The following ZNF697 variants were observed in gnomAD, a reference collection of about 807,000 sequenced individuals.
ZNF697 encodes the protein zinc finger protein 697.
In ZNF697, 23 loss-of-function variants were observed where a neutral mutation model predicts 32.4. The ratio of observed to expected loss-of-function variants is 0.71; its 90% CI spans 0.51 to 1.01. The LOEUF is 1.01. ZNF697 is among the 50% of genes least tolerant of loss of function. The pLI is 0.00. For missense variants in ZNF697, 930 were observed against 794.0 expected (o/e 1.17, Z -2.06); for synonymous variants, 418 against 337.2 (o/e 1.24, Z -2.62).
chr1:119,634,172 C>G (rs1648858162), intron 1 of ZNF697, among the ~76,000 whole-genome samples: 1 of 152,172 alleles, frequency 6.6e-6, no homozygotes, highest in Non-Finnish European at 1.5e-5. Context: ...GATCATATTT[C>G]CACTGTAATG....
chr1:119,624,246 C>T, intron 2 of ZNF697, 130 bp from the exon 3 acceptor site: 2 of 1,159,066 alleles, frequency 1.7e-6, no homozygotes, highest in East Asian at 5.8e-5. Flanking sequence ...CCTCCAAGAC[C>T]CCCTGAGAGT....
intron 1 of ZNF697, among the ~76,000 whole-genome samples, chr1:119,645,965 G>A (rs1189213309): frequency 3.3e-5 from 5 of 151,992 alleles, no homozygotes; most frequent in Admixed American, 1.3e-4. Context: ...TCCCTTCACA[G>A]GACACTAGTA....
chr1:119,639,822 G>A (rs1304685473), intron 1 of ZNF697, among the ~76,000 whole-genome samples: 1 of 151,818 alleles, frequency 6.6e-6, no homozygotes, highest in African/African-American at 2.4e-5. Context: ...TCACACCACT[G>A]GACTTCAGCC....
Position 119,623,979 on chromosome 1 carries a change from C to A in ZNF697, c.364G>T (p.Glu122Ter). The A allele has an allele frequency of 6.2e-7, 1 of 1,610,242 alleles. No homozygotes were observed. Among genetic ancestry groups the A allele is most frequent in the East Asian group, 2.2e-5 (1 of 44,738 alleles). ...ISRSLREDDD[E>*]SAGENRLEEE... ...TCCAGCCGGTTCTCCCCAGCACTCT[C>A]GTCGTCGTCCTCCCGGAGGCTCCGG... Residue 122 changes from glutamate (E) to a stop codon, truncating the protein, a stop_gained, in exon 3 of 3, where the codon GAG (glutamate) becomes TAG (stop). Coordinates refer to ENST00000421812, the MANE Select transcript of ZNF697 (RefSeq NM_001080470.2). LOFTEE classifies it high-confidence loss of function.
chr1:119,637,681 G>T (rs778220659), intron 1 of ZNF697, among the ~76,000 whole-genome samples: 1 of 151,956 alleles, frequency 6.6e-6, no homozygotes, highest in Non-Finnish European at 1.5e-5. Flanking sequence ...TGTAGTTTCA[G>T]TTATTTTTCC....
chr1:119,636,100 G>A (rs761909502), intron 1 of ZNF697, among the ~76,000 whole-genome samples: 20 of 152,062 alleles, frequency 1.3e-4, no homozygotes, highest in East Asian at 5.8e-4. Flanking sequence ...TGAACATCAC[G>A]TTACTAAGTC....
In ZNF697 at chr1:119,625,981, G is replaced by A; in HGVS notation, c.120C>T (p.Gly40=). Residue 40 remains glycine (G), a synonymous_variant, in exon 2 of 3, where the codon GGC becomes GGT. Transcript: ENST00000421812. ...REGDPEEREM[G]SNPHDTNKRE... ...TCTTGTTTGTGTCATGTGGATTAGAGCCCATTTCTCTTTCTTCTGGGTCCC... is the reference window on the plus strand; with the variant it reads ...TCTTGTTTGTGTCATGTGGATTAGAACCCATTTCTCTTTCTTCTGGGTCCC... The A allele has an allele frequency of 6.2e-7, 1 of 1,613,992 alleles. No individual in the cohort carries two copies.
At chr1:119,646,322 AACACACACACACACACACACACAC>A (rs61339576) in intron 1 of ZNF697, among the ~76,000 whole-genome samples, 25 of 136,830 alleles carry the variant, frequency 1.8e-4, no homozygotes, top group Admixed American at 7.3e-5. Flanking sequence ...CCCCACTTCC[AACACACACACACACACACACACAC>A]ACACACACAC....
At chr1:119,628,142 CAAT>C (rs587752195) in intron 1 of ZNF697, among the ~76,000 whole-genome samples, 3 of 152,126 alleles carry the variant, frequency 2.0e-5, no homozygotes, top group Admixed American at 1.3e-4. Flanking sequence ...GGTTCTGTGT[CAAT>C]AAAGTCAAAT....
rs1648434453 is a variant in ZNF697 at position 119,623,470 on chromosome 1, G to A, written c.873C>T (p.Cys291=). ...RLHTGERPNL[C]ADCGKSFSWR... ...AGCTGAAGCTCTTGCCGCAGTCGGCGCACAGGTTGGGCCGCTCGCCCGTGT... is the reference window on the plus strand; with the variant it reads ...AGCTGAAGCTCTTGCCGCAGTCGGCACACAGGTTGGGCCGCTCGCCCGTGT... The change falls in exon 3 of 3, where the codon TGC becomes TGT. Residue 291 remains cysteine, a synonymous_variant. Transcript: ENST00000421812. The A allele has an allele frequency of 2.6e-6, 4 of 1,563,854 alleles. No individual in the cohort carries two copies. The highest frequency in any genetic ancestry group is 1.8e-5 in the Admixed American group (1 of 54,446).
Position 119,626,040 on chromosome 1 carries a change from C to G in ZNF697, c.61G>C (p.Gly21Arg). ...AHQDSEDKGM[G>R]SDFEDSEDRE... ...TCCTCAGAGTCCTCAAAATCAGAAC[C>G]CATCCCTTTGTCTTCTGAGTCCTGG... is the stretch of plus-strand genomic sequence containing the variant. The change falls in exon 2 of 3, where the codon GGT becomes CGT. Residue 21 changes from glycine to arginine, a missense_variant. Transcript: ENST00000421812. 1 of 1,614,020 alleles carries G rather than the reference C, an allele frequency of 6.2e-7. No individual in the cohort carries two copies. The highest frequency in any genetic ancestry group is 8.5e-7 in the Non-Finnish European group (1 of 1,179,896).
intron 1 of ZNF697, among the ~76,000 whole-genome samples, chr1:119,632,250 C>G (rs966534783): frequency 6.6e-6 from 1 of 152,200 alleles, no homozygotes; most frequent in African/African-American, 2.4e-5. Flanking sequence ...CACAACCAAA[C>G]GTGGCAGGCG....
intron 1 of ZNF697, among the ~76,000 whole-genome samples, chr1:119,631,888 C>A (rs587632110): frequency 6.6e-6 from 1 of 152,236 alleles, no homozygotes; most frequent in South Asian, 2.1e-4. Context: ...CCCACGCCCC[C>A]CTGCCCACCA....
chr1:119,641,465 A>G (rs587638338), intron 1 of ZNF697, among the ~76,000 whole-genome samples: 1 of 152,314 alleles, frequency 6.6e-6, no homozygotes, highest in East Asian at 1.9e-4. Flanking sequence ...AAAGGCTGTT[A>G]ACCAAGATAT....
At position 119,623,608 on chromosome 1, in the gene ZNF697, G is replaced by GCC; in HGVS notation, c.733_734dup (p.Phe246AlafsTer32). On this transcript the variant is annotated frameshift_variant, in exon 3 of 3. Transcript: ENST00000421812. LOFTEE classifies it high-confidence loss of function. ...GGGCCAGCGGGGGCCCGGCCCCGAA[G>GCC]CCCCCCGCCACACCCACCCCCATCA... 1.4e-6 allele frequency: 2 copies of GCC among 1,416,192 alleles called. No individual in the cohort carries two copies. The highest frequency in any genetic ancestry group is 1.8e-6 in the Non-Finnish European group (2 of 1,095,610). The allele number at this position is 1,416,192 out of a possible 1,614,324, so 87.7% of individuals were successfully genotyped here. A position where few individuals can be genotyped will look rare whatever the true frequency, so the allele number is the denominator to read the frequency against.
chr1:119,622,407 T>TCAAGG lies in ZNF697; in HGVS notation c.*297_*298insCCTTG. ...TCCCACCCCAGCCCACGAACTGCCC[T>TCAAGG]TCCTCAAAGTGCCTGGTCCTCCAAG... On this transcript the variant is annotated 3_prime_UTR_variant, in exon 3 of 3. Coordinates refer to ENST00000421812, the MANE Select transcript of ZNF697 (RefSeq NM_001080470.2). 2.9e-6 allele frequency: 1 copy of TCAAGG among 350,736 alleles called. No homozygotes were observed. The highest frequency in any genetic ancestry group is 5.0e-6 in the Non-Finnish European group (1 of 200,476). The allele number at this position is 350,736 out of a possible 1,614,324, so 21.7% of individuals were successfully genotyped here. A position where few individuals can be genotyped will look rare whatever the true frequency, so the allele number is the denominator to read the frequency against.
intron 1 of ZNF697, among the ~76,000 whole-genome samples, chr1:119,632,869 G>A (rs141686094): frequency 8.5e-5 from 13 of 152,232 alleles, no homozygotes; most frequent in African/African-American, 2.6e-4. Context: ...AATCTTCCGC[G>A]ACATAAATCA....
chr1:119,626,821 G>A (rs1440410575), intron 1 of ZNF697, among the ~76,000 whole-genome samples: 8 of 152,084 alleles, frequency 5.3e-5, no homozygotes, highest in Non-Finnish European at 1.5e-5. Flanking sequence ...GGCCTGGTGG[G>A]GCCAAGAAAA....
chr1:119,634,797 A>T (rs1020039981), intron 1 of ZNF697, among the ~76,000 whole-genome samples: 1 of 152,248 alleles, frequency 6.6e-6, no homozygotes, highest in Non-Finnish European at 1.5e-5. Context: ...GCCAACTCAA[A>T]CTTACAAATT....
Sources: allele counts gnomAD v4.1 joint callset (sites outside exome capture counted in the v4.1 genomes callset), GRCh38; gene constraint gnomAD v4.1.1; transcripts MANE v1.5; gene names NCBI Gene and HGNC (gene_info 2026-07-23, HGNC 2026-07-21).